Variants in HS6ST3 observed in about 807,000 individuals in gnomAD.
The protein encoded by HS6ST3 is heparan-sulfate 6-O-sulfotransferase 3.
In HS6ST3, 12 loss-of-function variants were observed where a neutral mutation model predicts 36.7. The observed-to-expected ratio is 0.33, with a 90% CI of 0.21 to 0.53. The LOEUF is 0.53. Among genes scored for constraint, HS6ST3 ranks in the 20% least tolerant of loss-of-function variants. HS6ST3 has a pLI of 0.95. For synonymous variants in HS6ST3, 240 were observed against 257.5 expected (o/e 0.93, Z 0.65); for missense variants, 584 against 640.9 (o/e 0.91, Z 0.96).
chr13:96,484,375 G>T (rs1426398697), intron 1 of HS6ST3, among the ~76,000 whole-genome samples: 1 of 151,892 alleles, frequency 6.6e-6, no homozygotes, highest in Non-Finnish European at 1.5e-5. Context: ...CATATTCAAT[G>T]TTTCAATGTT....
At chr13:96,736,148 T>A (rs946724163) in intron 1 of HS6ST3, among the ~76,000 whole-genome samples, 1 of 152,046 alleles carries the variant, frequency 6.6e-6, no homozygotes. Flanking sequence ...GATGAAATAA[T>A]CTGTACAACA....
chr13:96,131,101 G>A (rs1179107487), intron 1 of HS6ST3, among the ~76,000 whole-genome samples: 2 of 152,134 alleles, frequency 1.3e-5, no homozygotes, highest in African/African-American at 2.4e-5. Context: ...GCTTTCCTCA[G>A]CTCACTGCCC....
At chr13:96,121,275 A>G (rs2053924317) in intron 1 of HS6ST3, among the ~76,000 whole-genome samples, 1 of 152,164 alleles carries the variant, frequency 6.6e-6, no homozygotes, top group South Asian at 2.1e-4. Context: ...GAATTGCGCT[A>G]TATTCGACCA....
At chr13:96,382,668 G>A (rs997540906) in intron 1 of HS6ST3, among the ~76,000 whole-genome samples, 1 of 152,008 alleles carries the variant, frequency 6.6e-6, no homozygotes, top group African/African-American at 2.4e-5. Flanking sequence ...AAGCCCAAGG[G>A]GTGTGCACTT....
chr13:96,377,809 A>G (rs895265117), intron 1 of HS6ST3, among the ~76,000 whole-genome samples: 4 of 152,208 alleles, frequency 2.6e-5, no homozygotes, highest in African/African-American at 4.8e-5. Context: ...GGGAAAATCC[A>G]GGTCGGGTAT....
chr13:96,468,467 CAT>C (rs1316373430), intron 1 of HS6ST3, among the ~76,000 whole-genome samples: 74 of 46,046 alleles, frequency 1.6e-3, no homozygotes, highest in Non-Finnish European at 3.0e-3. Flanking sequence ...TTTAACAGGA[CAT>C]ACACACATAC....
rs371518914 is a variant in HS6ST3 at position 96,533,626 on chromosome 13, C to A, written c.708-298864C>A. Among the ~76,000 whole-genome samples the A allele has an allele frequency of 2.0e-4, 31 of 152,298 alleles. No individual in the cohort carries two copies. The East Asian group carries it at 2.7e-3, about 13-fold the overall frequency. ...CAAGGAGCTGGGCTGCCATGGCTGTCCTCCACTCACATGAAAATTAAATTT... is the reference window on the plus strand; with the variant it reads ...CAAGGAGCTGGGCTGCCATGGCTGTACTCCACTCACATGAAAATTAAATTT... On this transcript the variant is annotated intron_variant, in intron 1 of 1. Transcript: ENST00000376705.
At chr13:96,229,764 C>T (rs758344333) in intron 1 of HS6ST3, among the ~76,000 whole-genome samples, 2 of 152,146 alleles carry the variant, frequency 1.3e-5, no homozygotes, top group Non-Finnish European at 2.9e-5. Context: ...TCAAGGGGTT[C>T]ACTATCTCAG....
intron 1 of HS6ST3, among the ~76,000 whole-genome samples, chr13:96,708,020 G>A (rs577157157): frequency 6.6e-6 from 1 of 152,284 alleles, no homozygotes; most frequent in East Asian, 1.9e-4. Flanking sequence ...AAGGAATAAG[G>A]ACATTCCAGA....
rs558987750 is a variant in HS6ST3 at position 96,263,213 on chromosome 13, C to CACT, written c.707+171645_707+171647dup. ...TTTGGCTAATACTATGGTGACATGTCACTTATCTTTATAATTCAAGGAAAC... is the reference window on the plus strand; with the variant it reads ...TTTGGCTAATACTATGGTGACATGTCACTACTTATCTTTATAATTCAAGGAAAC... On this transcript the variant is annotated intron_variant, in intron 1 of 1. Coordinates refer to ENST00000376705, the MANE Select transcript of HS6ST3 (RefSeq NM_153456.4). Among the ~76,000 whole-genome samples the CACT allele has an allele frequency of 3.3e-3, 509 of 152,250 alleles. 11 individuals are homozygous for CACT. The highest frequency in any genetic ancestry group is 4.0e-4 in the Non-Finnish European group (27 of 68,002).
chr13:96,379,550 C>G (rs1026256762), intron 1 of HS6ST3, among the ~76,000 whole-genome samples: 1 of 152,180 alleles, frequency 6.6e-6, no homozygotes, highest in Non-Finnish European at 1.5e-5. Flanking sequence ...CTATGGGTAT[C>G]TTGTCATAGC....
At chr13:96,706,751 A>C (rs1875438463) in intron 1 of HS6ST3, among the ~76,000 whole-genome samples, 1 of 152,036 alleles carries the variant, frequency 6.6e-6, no homozygotes, top group African/African-American at 2.4e-5. Flanking sequence ...CAATATTTAA[A>C]GACAGCTACA....
Position 96,091,080 on chromosome 13 carries a change from C to T in HS6ST3, c.218C>T (p.Pro73Leu), listed in dbSNP as rs1219432944. The change falls in exon 1 of 2, where the codon CCG becomes CTG. Residue 73 changes from proline to leucine, a missense_variant. Pro to Leu is a moderately conservative substitution (Grantham distance 98). Around this residue, in one of 3 missense-constraint regions of HS6ST3, gnomAD observed 217 missense variants for 205.4 expected, o/e 1.06. Transcript: ENST00000376705. The stretch of plus-strand genomic sequence containing the variant: ...TGGGAGCGGCGGCCCCAGTTGCCCC[C>T]GCCGCCCCGGGGGCCCCCCGAGGGA... ...EEWERRPQLP[P>L]PPRGPPEGPR... The T allele has an allele frequency of 2.3e-6, 3 of 1,294,284 alleles. No individual in the cohort carries two copies. Among genetic ancestry groups the T allele is most frequent in the African/African-American group, 3.1e-5 (2 of 64,210 alleles). The allele number at this position is 1,294,284 out of a possible 1,614,324, so 80.2% of individuals were successfully genotyped here. A position where few individuals can be genotyped will look rare whatever the true frequency, so the allele number is the denominator to read the frequency against.
chr13:96,500,177 A>G (rs1257666368), intron 1 of HS6ST3, among the ~76,000 whole-genome samples: 4 of 152,186 alleles, frequency 2.6e-5, no homozygotes, highest in African/African-American at 9.7e-5. Context: ...ATGGAATTAT[A>G]CAACCTGTGG....
intron 1 of HS6ST3, among the ~76,000 whole-genome samples, chr13:96,467,718 A>G (rs539348254): frequency 1.4e-4 from 22 of 152,232 alleles, no homozygotes; most frequent in Admixed American, 1.4e-3. Flanking sequence ...CCTAATCCTT[A>G]TAACAATTCT....
At chr13:96,790,952 A>G (rs1454457785) in intron 1 of HS6ST3, among the ~76,000 whole-genome samples, 1 of 152,046 alleles carries the variant, frequency 6.6e-6, no homozygotes, top group Admixed American at 6.6e-5. Flanking sequence ...CTTTAGTGTT[A>G]CAAGAGAACA....
intron 1 of HS6ST3, among the ~76,000 whole-genome samples, chr13:96,466,519 C>T (rs1353804124): frequency 6.6e-6 from 1 of 152,194 alleles, no homozygotes; most frequent in Non-Finnish European, 1.5e-5. Context: ...TAACTGAAAT[C>T]ATGCATTATT....
rs71292889 is a variant in HS6ST3, at chr13:96,583,204, C to CTTTTTTTTTTTTTTTTTTTTTTTTTTTTT, written c.708-249259_708-249258insTTTTTTTTTTTTTTTTTTTTTTTTTTTTT. 7.6e-5 allele frequency among the ~76,000 whole-genome samples: 4 copies of CTTTTTTTTTTTTTTTTTTTTTTTTTTTTT among 52,922 alleles called. 1 individual carries two copies. The highest frequency in any genetic ancestry group is 3.2e-4 in the African/African-American group (4 of 12,420). 34.7% of individuals were successfully genotyped at this position (52,922 alleles called of 152,430 possible). Reference sequence around the variant, plus strand: ...AATGGCTTCAATTTCTTTTTCTTTTCTTTTTTTTTTTTTTTTTTTTTTTTT... The same window carrying CTTTTTTTTTTTTTTTTTTTTTTTTTTTTT: ...AATGGCTTCAATTTCTTTTTCTTTTCTTTTTTTTTTTTTTTTTTTTTTTTTTTTTTTTTTTTTTTTTTTTTTTTTTTTTT... On this transcript the variant is annotated intron_variant, in intron 1 of 1. Coordinates refer to ENST00000376705, the MANE Select transcript of HS6ST3 (RefSeq NM_153456.4).
chr13:96,699,427 G>A (rs1226996775), intron 1 of HS6ST3, among the ~76,000 whole-genome samples: 2 of 152,162 alleles, frequency 1.3e-5, no homozygotes, highest in Admixed American at 6.5e-5. Flanking sequence ...CCATCAACAA[G>A]TGGGTGAAGG....
Sources: allele counts gnomAD v4.1 joint callset (sites outside exome capture counted in the v4.1 genomes callset), GRCh38; gene constraint gnomAD v4.1.1; regional missense constraint gnomAD v4.1.1; transcripts MANE v1.5; gene names NCBI Gene and HGNC (gene_info 2026-07-23, HGNC 2026-07-21).